Variants in LRRC4C observed in about 807,000 individuals in gnomAD.
The protein encoded by LRRC4C is leucine rich repeat containing 4C.
In LRRC4C, 5 loss-of-function variants were observed where a neutral mutation model predicts 33.6. The ratio of observed to expected loss-of-function variants is 0.15; its 90% CI spans 0.08 to 0.31. The LOEUF (loss-of-function observed/expected upper bound fraction) is 0.31, where lower values mean the gene tolerates loss of function less well. LRRC4C is among the 10% of genes least tolerant of loss of function. LRRC4C has a pLI of 1.00. For synonymous variants in LRRC4C, 329 were observed against 302.0 expected, an observed-to-expected ratio of 1.09 and a Z score of -0.93; for missense variants, 560 against 796.7, an observed-to-expected ratio of 0.70 and a Z score of 3.58.
At chr11:41,214,643 G>A (rs139016790) in intron 1 of LRRC4C, among the ~76,000 whole-genome samples, 5,014 of 146,642 alleles carry the variant, frequency 0.034, 123 homozygotes, top group African/African-American at 0.06. Flanking sequence ...CCAGCTACTC[G>A]GCAGGCTGAG....
At chr11:40,855,997 A>C (rs2135787506) in intron 2 of LRRC4C, among the ~76,000 whole-genome samples, 1 of 152,116 alleles carries the variant, frequency 6.6e-6, no homozygotes, top group Admixed American at 6.5e-5. Flanking sequence ...AAGATGTAGG[A>C]ACAAAGACAG....
intron 1 of LRRC4C, among the ~76,000 whole-genome samples, chr11:41,082,729 T>C (rs1356999270): frequency 6.6e-6 from 1 of 152,188 alleles, no homozygotes; most frequent in Non-Finnish European, 1.5e-5. Flanking sequence ...TGTTTATCCT[T>C]TGTGCTACAT....
At chr11:41,211,144 G>A (rs1040086776) in intron 1 of LRRC4C, among the ~76,000 whole-genome samples, 1 of 152,044 alleles carries the variant, frequency 6.6e-6, no homozygotes, top group African/African-American at 2.4e-5. Context: ...TGGTTTAAAT[G>A]ATAGAAAGAA....
chr11:40,835,107 G>T (rs889050054), intron 2 of LRRC4C, among the ~76,000 whole-genome samples: 5 of 152,088 alleles, frequency 3.3e-5, no homozygotes, highest in African/African-American at 1.2e-4. Context: ...ATAGCTTAAA[G>T]AAAACTTAAA....
chr11:41,067,801 G>A (rs1408833366), intron 1 of LRRC4C, among the ~76,000 whole-genome samples: 1 of 152,184 alleles, frequency 6.6e-6, no homozygotes, highest in Non-Finnish European at 1.5e-5. Flanking sequence ...GCTCCTGAAT[G>A]ACTTGGGGGT....
intron 1 of LRRC4C, among the ~76,000 whole-genome samples, chr11:40,942,500 T>A (rs951405580): frequency 6.6e-6 from 1 of 152,136 alleles, no homozygotes; most frequent in Admixed American, 6.6e-5. Context: ...AGGCATGAAC[T>A]AATGTAGAAA....
At chr11:40,126,377 C>T (rs1856226687) in intron 6 of LRRC4C, among the ~76,000 whole-genome samples, 1 of 152,036 alleles carries the variant, frequency 6.6e-6, no homozygotes, top group Non-Finnish European at 1.5e-5. Flanking sequence ...GTTCTGACTA[C>T]AGAGAACTAT....
chr11:40,660,034 T>C (rs1943350514), intron 2 of LRRC4C, among the ~76,000 whole-genome samples: 1 of 152,232 alleles, frequency 6.6e-6, no homozygotes, highest in South Asian at 2.1e-4. Context: ...ACACCCTCTC[T>C]GGGGCTCTGC....
chr11:40,545,795 T>C (rs1956888719), intron 3 of LRRC4C, among the ~76,000 whole-genome samples: 1 of 151,974 alleles, frequency 6.6e-6, no homozygotes, highest in African/African-American at 2.4e-5. Context: ...AACAAAATTA[T>C]GTCAAAAAAA....
rs555533872 is a variant in LRRC4C at position 40,992,096 on chromosome 11, A to G, written c.-495-58373T>C. ...TTCAGTTTTCACATATCACATATCCACAATTAACCGAAAAGGCAATTAAAA... is the reference window on the plus strand; with the variant it reads ...TTCAGTTTTCACATATCACATATCCGCAATTAACCGAAAAGGCAATTAAAA... On this transcript the variant is annotated intron_variant, in intron 1 of 6. Transcript: ENST00000528697. Among the ~76,000 whole-genome samples, 19 of 152,324 alleles carry G rather than the reference A, an allele frequency of 1.2e-4. No homozygotes were observed. In the South Asian group the frequency reaches 3.7e-3, roughly 30 times the overall value.
Position 40,566,658 on chromosome 11 carries a change from C to T in LRRC4C, c.-270+81484G>A, listed in dbSNP as rs118163173. Among the ~76,000 whole-genome samples, 1,181 of 152,146 alleles carry T rather than the reference C, an allele frequency of 7.8e-3. 8 individuals are homozygous for T. Among genetic ancestry groups the T allele is most frequent in the Non-Finnish European group, 0.013 (872 of 67,936 alleles). On this transcript the variant is annotated intron_variant, in intron 3 of 6. Transcript: ENST00000528697. The stretch of plus-strand genomic sequence containing the variant: ...TTACACTTCTTGATATATTTTGTTT[C>T]CTCTCTTTCACTGCTAATGAACATA...
chr11:40,327,699 A>C (rs1036400500), intron 3 of LRRC4C, among the ~76,000 whole-genome samples: 11 of 152,062 alleles, frequency 7.2e-5, no homozygotes, highest in African/African-American at 2.2e-4. Context: ...TGAGTCTTTT[A>C]TAACTTCTCT....
At chr11:40,304,515 T>A (rs991069541) in intron 4 of LRRC4C, among the ~76,000 whole-genome samples, 1 of 152,146 alleles carries the variant, frequency 6.6e-6, no homozygotes, top group Non-Finnish European at 1.5e-5. Flanking sequence ...AAACGAAATA[T>A]TAACTAATAA....
intron 1 of LRRC4C, among the ~76,000 whole-genome samples, chr11:41,339,684 T>C (rs1951569175): frequency 6.6e-6 from 1 of 152,184 alleles, no homozygotes; most frequent in Non-Finnish European, 1.5e-5. Flanking sequence ...TTTTAAGCAA[T>C]ACATGTTCCT....
intron 3 of LRRC4C, among the ~76,000 whole-genome samples, chr11:40,584,457 C>T (rs1417995883): frequency 1.3e-5 from 2 of 151,812 alleles, no homozygotes; most frequent in African/African-American, 4.8e-5. Flanking sequence ...ACCCTCCAAC[C>T]TACTGTGTTA....
intron 2 of LRRC4C, among the ~76,000 whole-genome samples, chr11:40,721,233 G>T (rs904018497): frequency 6.6e-6 from 1 of 152,138 alleles, no homozygotes; most frequent in African/African-American, 2.4e-5. Context: ...GATCATGAGG[G>T]TAGAACACTT....
intron 3 of LRRC4C, among the ~76,000 whole-genome samples, chr11:40,325,797 T>G (rs982686562): frequency 6.6e-6 from 1 of 152,160 alleles, no homozygotes; most frequent in African/African-American, 2.4e-5. Context: ...TGTCAATGAT[T>G]GGGGTGATAA....
At chr11:40,493,892 A>C (rs960457186) in intron 3 of LRRC4C, among the ~76,000 whole-genome samples, 4 of 151,994 alleles carry the variant, frequency 2.6e-5, no homozygotes, top group African/African-American at 9.7e-5. Flanking sequence ...TCCTACTCTA[A>C]ATCTTGGGAG....
At chr11:41,117,370 C>A (rs1462227002) in intron 1 of LRRC4C, among the ~76,000 whole-genome samples, 2 of 152,092 alleles carry the variant, frequency 1.3e-5, no homozygotes, top group South Asian at 2.1e-4. Context: ...ATCAACATAA[C>A]AAAATACTAG....
Sources: allele counts gnomAD v4.1 joint callset (sites outside exome capture counted in the v4.1 genomes callset), GRCh38; gene constraint gnomAD v4.1.1; transcripts MANE v1.5; gene names NCBI Gene and HGNC (gene_info 2026-07-23, HGNC 2026-07-21).